Variants in POLR3A observed in about 807,000 individuals in gnomAD.
POLR3A encodes DNA-directed RNA polymerase III subunit RPC1.
In POLR3A, 112 loss-of-function variants were observed where a neutral mutation model predicts 152.8. The ratio of observed to expected loss-of-function variants is 0.73; its 90% confidence interval spans 0.63 to 0.86. POLR3A has a LOEUF of 0.86. Ranked by LOEUF, POLR3A falls within the 40% of genes least tolerant of loss-of-function variation. The pLI, the probability that POLR3A is intolerant of heterozygous loss-of-function variation, is 0.00. For synonymous variants in POLR3A, 615 were observed against 652.1 expected, an observed-to-expected ratio of 0.94 and a Z score of 0.87; for missense variants, 1,385 against 1,743.1, an observed-to-expected ratio of 0.79 and a Z score of 3.66.
At chr10:78,002,564 C>G (rs759508934) in intron 16 of POLR3A, among the ~76,000 whole-genome samples, 3 of 152,088 alleles carry the variant, frequency 2.0e-5, no homozygotes, top group Non-Finnish European at 2.9e-5. Flanking sequence ...CAGGATCTCA[C>G]TCTGTTGCTG....
intron 10 of POLR3A, among the ~76,000 whole-genome samples, chr10:78,014,794 A>C (rs1238767305): frequency 6.6e-6 from 1 of 152,184 alleles, no homozygotes; most frequent in African/African-American, 2.4e-5. Context: ...ATAAAGGAAA[A>C]AGACTTAACC....
intron 21 of POLR3A, 96 bp downstream of exon 21, chr10:77,990,958 C>A (rs1247351114): frequency 2.7e-6 from 2 of 738,846 alleles, no homozygotes; most frequent in Admixed American, 4.0e-5. Flanking sequence ...CCTTAAAAAA[C>A]AACCAGCTTA....
chr10:77,982,894 G>A, intron 26 of POLR3A, 77 bp from the exon 27 acceptor site: 1 of 1,395,816 alleles, frequency 7.2e-7, no homozygotes, highest in South Asian at 1.2e-5. Context: ...CCTCTAAGAA[G>A]TCCTTTTAGT....
chr10:78,006,445 T>A lies in POLR3A; in HGVS notation c.2074+1257A>T, dbSNP rs1384680321. 2.1e-4 allele frequency among the ~76,000 whole-genome samples: 26 copies of A among 124,084 alleles called. No homozygotes were observed. The South Asian group carries it at 5.3e-3, about 25-fold the overall frequency. 81.4% of individuals were successfully genotyped at this position (124,084 alleles called of 152,430 possible). A position where few individuals can be genotyped will look rare whatever the true frequency, so the allele number is the denominator to read the frequency against. ...AAGAAACAAAAACACTACCTGTGAA[T>A]AAGTATATTGAAAAATAGTATTGGA... On this transcript the variant is annotated intron_variant, in intron 15 of 30. Coordinates refer to ENST00000372371, the MANE Select transcript of POLR3A (RefSeq NM_007055.4).
chr10:78,011,056 C>T (rs1847462306), intron 11 of POLR3A, among the ~76,000 whole-genome samples: 2 of 152,058 alleles, frequency 1.3e-5, no homozygotes, highest in Non-Finnish European at 2.9e-5. Flanking sequence ...CTTTGTTGCC[C>T]AGACTGGTCT....
Position 78,029,455 on chromosome 10 carries a change from G to A in POLR3A, c.-48C>T, listed in dbSNP as rs2131964301. On this transcript the variant is annotated 5_prime_UTR_variant, in exon 1 of 31. Coordinates refer to ENST00000372371, the MANE Select transcript of POLR3A (RefSeq NM_007055.4). ...CCTTGGCACTCGGGAGGCCAGATTA[G>A]AGAAACGATGCCCCCAGCACCTCCT... is the stretch of plus-strand genomic sequence containing the variant. 6.3e-7 allele frequency: 1 copy of A among 1,599,834 alleles called. No individual in the cohort carries two copies. The highest frequency in any genetic ancestry group is 2.2e-5 in the East Asian group (1 of 44,794).
rs556898092 is a variant in POLR3A at position 78,020,927 on chromosome 10, A to G, written c.1185+619T>C. 2.6e-5 allele frequency among the ~76,000 whole-genome samples: 4 copies of G among 152,330 alleles called. No individual in the cohort carries two copies. The East Asian group carries it at 7.7e-4, about 29-fold the overall frequency. On this transcript the variant is annotated intron_variant, in intron 8 of 30. Transcript: ENST00000372371. The stretch of plus-strand genomic sequence containing the variant: ...AAATTAACTATGGATAATGTTTACC[A>G]TTTAGTTAGTTTAAAATATGAGGCA...
At chr10:77,981,309 C>T (rs1847138829) in intron 29 of POLR3A, 119 bp downstream of exon 29, 2 of 997,578 alleles carry the variant, frequency 2.0e-6, no homozygotes, top group South Asian at 2.6e-5. Flanking sequence ...ATCTTATTTT[C>T]TCTCTATGAT....
At position 77,986,146 on chromosome 10, in the gene POLR3A, AAT is replaced by A. The variant is rs1491495510; in HGVS notation, c.2913_2914del (p.Lys971AsnfsTer3). ...GATCTTCTCAGAGACCCCCTTAATG[AAT>A]TTTTTTATTTCCTGAAAGATTACAC... On this transcript the variant is annotated frameshift_variant, in exon 22 of 31. Transcript: ENST00000372371. LOFTEE classifies it high-confidence loss of function. The A allele has an allele frequency of 6.5e-7, 1 of 1,537,738 alleles. No homozygotes were observed. The highest frequency in any genetic ancestry group is 9.0e-7 in the Non-Finnish European group (1 of 1,110,566).
chr10:78,021,332 A>C (rs1411940734), intron 8 of POLR3A, among the ~76,000 whole-genome samples: 1 of 152,222 alleles, frequency 6.6e-6, no homozygotes, highest in African/African-American at 2.4e-5. Context: ...AATACACATG[A>C]AACTAGAAAC....
chr10:77,993,366 C>T lies in POLR3A; in HGVS notation c.2618G>A (p.Arg873Gln), dbSNP rs2131937171. Residue 873 changes from arginine to glutamine, a missense_variant and splice_region_variant, in exon 20 of 31, where the codon CGA becomes CAA. By Grantham distance (43) the Arg-to-Gln change is conservative (BLOSUM62 1). This residue lies in a region of POLR3A where 178 missense variants were observed against 204.6 expected (regional missense o/e 0.87). Transcript: ENST00000372371. Reference protein sequence around the residue: ...VKTAETGYMQRRLVKSLEDLC... With the variant: ...VKTAETGYMQQRLVKSLEDLC... ...ATCTTCAAGAGATTTGACAAGCCTTCGCTAAAGGAAAAGGAGGAAAAAGCT... is the reference window on the plus strand; with the variant it reads ...ATCTTCAAGAGATTTGACAAGCCTTTGCTAAAGGAAAAGGAGGAAAAAGCT... 1.2e-6 allele frequency: 2 copies of T among 1,613,098 alleles called. No individual in the cohort carries two copies. The highest frequency in any genetic ancestry group is 1.7e-6 in the Non-Finnish European group (2 of 1,179,218).
chr10:78,024,943 T>C, intron 4 of POLR3A, 28 bp downstream of exon 4: 1 of 1,609,842 alleles, frequency 6.2e-7, no homozygotes, highest in East Asian at 2.2e-5. Flanking sequence ...AAAGGGCTAT[T>C]GCTTAGCCTT....
chr10:77,984,489 G>A (rs980743862), intron 24 of POLR3A, among the ~76,000 whole-genome samples, 191 bp from the exon 25 acceptor site: 14 of 152,098 alleles, frequency 9.2e-5, no homozygotes, highest in African/African-American at 3.4e-4. Context: ...GACTACAGGC[G>A]CTCGCCACCA....
Position 78,025,128 on chromosome 10 carries a change from G to C in POLR3A, c.333C>G (p.Thr111=). The C allele has an allele frequency of 6.2e-7, 1 of 1,614,182 alleles. No individual in the cohort carries two copies. Among genetic ancestry groups the C allele is most frequent in the Non-Finnish European group, 8.5e-7 (1 of 1,180,022 alleles). Residue 111 remains threonine, a synonymous_variant, in exon 4 of 31, where the codon ACC becomes ACG. Transcript: ENST00000372371. The part of the protein sequence containing the change: ...VIGILQMICK[T]CCHIMLSQEE... ...CTTGGGACAGCATGATGTGGCAGCAGGTTTTGCAGATCATCTTTTTCAAAT... is the reference window on the plus strand; with the variant it reads ...CTTGGGACAGCATGATGTGGCAGCACGTTTTGCAGATCATCTTTTTCAAAT...
rs985129083 is a variant in POLR3A, at chr10:78,009,518, C to T, written c.1909+19G>A. Reference sequence around the variant, plus strand: ...CTGTCACGTTCCTCCTTCTCCCCACCCGAGTTCCGTCCACTCACAGGAATC... The same window carrying T: ...CTGTCACGTTCCTCCTTCTCCCCACTCGAGTTCCGTCCACTCACAGGAATC... On this transcript the variant is annotated intron_variant, in intron 14 of 30. Coordinates refer to ENST00000372371, the MANE Select transcript of POLR3A (RefSeq NM_007055.4). 1.2e-6 allele frequency: 2 copies of T among 1,614,182 alleles called. No individual in the cohort carries two copies. Among genetic ancestry groups the T allele is most frequent in the African/African-American group, 2.7e-5 (2 of 75,056 alleles).
At chr10:78,013,493 A>T (rs1311026512) in intron 11 of POLR3A, 157 bp downstream of exon 11, 1 of 726,388 alleles carries the variant, frequency 1.4e-6, no homozygotes, top group Non-Finnish European at 2.4e-6. Flanking sequence ...AGAAACCAAT[A>T]AAAAGAGAGA....
At chr10:78,013,846 G>C in intron 10 of POLR3A, 56 bp from the exon 11 acceptor site, 11 of 1,610,446 alleles carry the variant, frequency 6.8e-6, no homozygotes, top group Non-Finnish European at 9.3e-6. Flanking sequence ...TTATCCAAAA[G>C]CTTCTCTGTT....
intron 27 of POLR3A, 55 bp downstream of exon 27, chr10:77,982,598 G>T: frequency 6.7e-7 from 1 of 1,501,140 alleles, no homozygotes. Context: ...CCCAGCCCTG[G>T]GTGTCACACC....
At position 77,982,775 on chromosome 10, in the gene POLR3A, G is replaced by A. The variant is rs759736550; in HGVS notation, c.3472C>T (p.Leu1158Phe). 19 of 1,613,946 alleles carry A rather than the reference G, an allele frequency of 1.2e-5. No homozygotes were observed. The Admixed American group carries it at 3.0e-4, about 25-fold the overall frequency. The part of the protein sequence containing the change: ...TVRYSICTSK[L>F]RVKPGDVAVH... ...GCCACATCACCGGGCTTCACACGGAGCTTGGATGTGCAGATGGAATATCTC... is the reference window on the plus strand; with the variant it reads ...GCCACATCACCGGGCTTCACACGGAACTTGGATGTGCAGATGGAATATCTC... The change falls in exon 27 of 31, where the codon CTC becomes TTC. Residue 1158 changes from leucine to phenylalanine, a missense_variant. Leu to Phe is a conservative substitution (Grantham distance 22). This residue lies in a region of POLR3A where 332 missense variants were observed against 400.1 expected (regional missense o/e 0.83). Coordinates refer to ENST00000372371, the MANE Select transcript of POLR3A (RefSeq NM_007055.4).
Sources: gnomAD v4.1 joint callset for allele counts (sites outside exome capture counted in the v4.1 genomes callset) on GRCh38, gnomAD v4.1.1 for gene constraint, gnomAD v4.1.1 regional missense constraint, MANE v1.5 for transcripts, NCBI Gene and HGNC (gene_info 2026-07-23, HGNC 2026-07-21) for gene names.